The following CAVIN4 variants were observed in gnomAD, a reference collection of about 807,000 sequenced individuals.
CAVIN4 encodes caveolae-associated protein 4.
In CAVIN4, 10 loss-of-function variants were observed where a neutral mutation model predicts 18.6. That is an observed-to-expected ratio of 0.54 (90% confidence interval 0.33 to 0.91). CAVIN4 has a LOEUF of 0.91. Among genes scored for constraint, CAVIN4 ranks in the 40% least tolerant of loss-of-function variants. The pLI, the probability that CAVIN4 is intolerant of heterozygous loss-of-function variation, is 0.02. For missense variants in CAVIN4, 459 were observed against 440.5 expected (o/e 1.04, Z -0.38); for synonymous variants, 173 against 164.8 (o/e 1.05, Z -0.38).
chr9:100,577,283 A>T (rs542463155), upstream of CAVIN4: 3 of 152,760 alleles, frequency 2.0e-5, no homozygotes, highest in South Asian at 6.2e-4. Flanking sequence ...TCTACCAGTT[A>T]AACTACTTTA....
intron 1 of CAVIN4, among the ~76,000 whole-genome samples, chr9:100,579,307 T>C (rs1839404168): frequency 6.6e-6 from 1 of 152,186 alleles, no homozygotes; most frequent in African/African-American, 2.4e-5. Flanking sequence ...AAATGCATAA[T>C]ATCTATGGTA....
upstream of CAVIN4, among the ~76,000 whole-genome samples, chr9:100,577,919 TAGTC>T (rs541783853): frequency 5.3e-4 from 81 of 152,306 alleles, no homozygotes; most frequent in South Asian, 7.7e-3. Context: ...TTGAGTCCCT[TAGTC>T]AGTCAGCAAG....
In CAVIN4 at chr9:100,578,384, A is replaced by G. The variant is rs1036002862; in HGVS notation, c.241A>G (p.Asn81Asp). The change falls in exon 1 of 2, where the codon AAT becomes GAT. Residue 81 changes from asparagine to aspartate, a missense_variant. Asn to Asp is a conservative substitution (Grantham distance 23, BLOSUM62 1). Transcript: ENST00000307584. ...GTTGAAGCTTTCACAGTCGCATAGC[A>G]ATACAGGGCATATCATTAACAAATT... ...DLLKLSQSHSNTGHIINKLFE... is the reference protein window; with the variant it reads ...DLLKLSQSHSDTGHIINKLFE... 4.3e-6 allele frequency: 7 copies of G among 1,614,092 alleles called. No individual in the cohort carries two copies. In the Admixed American group the frequency reaches 8.3e-5, roughly 19 times the overall value.
rs761659315 is a variant in CAVIN4, at chr9:100,587,883, C to G, written c.*1432C>G. 6.6e-6 allele frequency: 1 copy of G among 151,160 alleles called. No individual in the cohort carries two copies. Among genetic ancestry groups the G allele is most frequent in the Non-Finnish European group, 1.5e-5 (1 of 67,724 alleles). The allele number at this position is 151,160 out of a possible 1,614,324, so 9.4% of individuals were successfully genotyped here. On this transcript the variant is annotated 3_prime_UTR_variant, in exon 2 of 2. Coordinates refer to ENST00000307584, the MANE Select transcript of CAVIN4 (RefSeq NM_001018116.2). Reference sequence around the variant, plus strand: ...CAAGCCTGGGCAAAAGAGCCAGACTCTGTTTCAAAAAAAAAGAAAAAAAGA... The same window carrying G: ...CAAGCCTGGGCAAAAGAGCCAGACTGTGTTTCAAAAAAAAAGAAAAAAAGA...
intron 1 of CAVIN4, 84 bp downstream of exon 1, chr9:100,578,635 G>A: frequency 1.5e-6 from 2 of 1,312,462 alleles, no homozygotes; most frequent in Non-Finnish European, 2.2e-6. Context: ...GGTTTCCAGT[G>A]TCACATCTTA....
rs1839504229 is a variant in CAVIN4 at position 100,588,231 on chromosome 9, ATGT to A, written c.*1785_*1787del. On this transcript the variant is annotated 3_prime_UTR_variant, in exon 2 of 2. Transcript: ENST00000307584. ...AATACATGAAATCATAATATCGTTC[ATGT>A]TGTTACCTTTTTATATTGAAAACTA... 6.6e-6 allele frequency among the ~76,000 whole-genome samples: 1 copy of A among 152,242 alleles called. No individual in the cohort carries two copies. Among genetic ancestry groups the A allele is most frequent in the Non-Finnish European group, 1.5e-5 (1 of 68,046 alleles).
In CAVIN4 at chr9:100,587,615, G is replaced by T. The variant is rs1047891380; in HGVS notation, c.*1164G>T. Reference sequence around the variant, plus strand: ...GCTAAAGAAAGAAAGAAATGGGCCGGGTGTGGTGGCTCACGGGGAGTAATC... The same window carrying T: ...GCTAAAGAAAGAAAGAAATGGGCCGTGTGTGGTGGCTCACGGGGAGTAATC... On this transcript the variant is annotated 3_prime_UTR_variant, in exon 2 of 2. Transcript: ENST00000307584. 2.0e-5 allele frequency: 3 copies of T among 152,254 alleles called. No homozygotes were observed. The highest frequency in any genetic ancestry group is 7.2e-5 in the African/African-American group (3 of 41,448). The allele number at this position is 152,254 out of a possible 1,614,324, so 9.4% of individuals were successfully genotyped here.
chr9:100,578,426 A>G lies in CAVIN4; in HGVS notation c.283A>G (p.Lys95Glu), dbSNP rs1839392192. 6.2e-7 allele frequency: 1 copy of G among 1,614,032 alleles called. No homozygotes were observed. The highest frequency in any genetic ancestry group is 1.7e-5 in the Admixed American group (1 of 60,000). Reference sequence around the variant, plus strand: ...TAACAAATTGTTTGAGAAAACCCGAAAAGTTAGTGCTCACATTAAAGATGT... The same window carrying G: ...TAACAAATTGTTTGAGAAAACCCGAGAAGTTAGTGCTCACATTAAAGATGT... ...IINKLFEKTR[K>E]VSAHIKDVKA... is the part of the protein sequence containing the mutation. The change falls in exon 1 of 2, where the codon AAA becomes GAA. Residue 95 changes from lysine (K) to glutamate (E), a missense_variant. Lys to Glu is a moderately conservative substitution (Grantham distance 56, BLOSUM62 1). Coordinates refer to ENST00000307584, the MANE Select transcript of CAVIN4 (RefSeq NM_001018116.2).
rs1481232940 is a variant in CAVIN4, at chr9:100,579,429, T to G, written c.408+878T>G. Among the ~76,000 whole-genome samples the G allele has an allele frequency of 3.9e-5, 6 of 152,310 alleles. No individual in the cohort carries two copies. In the East Asian group the frequency reaches 9.6e-4, roughly 24 times the overall value. ...TTACAAAACACAAATAAGAATAAAATTCTAATTTCACCTATTTAAATGTTG... is the reference window on the plus strand; with the variant it reads ...TTACAAAACACAAATAAGAATAAAAGTCTAATTTCACCTATTTAAATGTTG... On this transcript the variant is annotated intron_variant, in intron 1 of 1. Coordinates refer to ENST00000307584, the MANE Select transcript of CAVIN4 (RefSeq NM_001018116.2).
intron 1 of CAVIN4, among the ~76,000 whole-genome samples, chr9:100,583,281 C>T (rs890854364): frequency 1.3e-5 from 2 of 152,176 alleles, no homozygotes; most frequent in African/African-American, 4.8e-5. Flanking sequence ...CCATCCTTCC[C>T]CTCCAGTCTC....
At chr9:100,583,867 A>T (rs1270714110) in intron 1 of CAVIN4, among the ~76,000 whole-genome samples, 1 of 151,914 alleles carries the variant, frequency 6.6e-6, no homozygotes, top group African/African-American at 2.4e-5. Flanking sequence ...CTGGTCTCGA[A>T]CTCCTGACCT....
At position 100,585,979 on chromosome 9, in the gene CAVIN4, A is replaced by G. The variant is rs1839471910; in HGVS notation, c.623A>G (p.Gln208Arg). The G allele has an allele frequency of 1.2e-6, 2 of 1,614,116 alleles. No individual in the cohort carries two copies. Among genetic ancestry groups the G allele is most frequent in the Admixed American group, 1.7e-5 (1 of 60,000 alleles). ...AAGGCATTTTCCAAAGAAAACATGC[A>G]GAAGACACGGCAGAATCTTGACAAG... Reference protein sequence around the residue: ...IKKAFSKENMQKTRQNLDKKV... With the variant: ...IKKAFSKENMRKTRQNLDKKV... Residue 208 changes from glutamine (Q) to arginine (R), a missense_variant, in exon 2 of 2, where the codon CAG becomes CGG. By Grantham distance (43) the Gln-to-Arg change is conservative. Coordinates refer to ENST00000307584, the MANE Select transcript of CAVIN4 (RefSeq NM_001018116.2).
intron 1 of CAVIN4, among the ~76,000 whole-genome samples, chr9:100,579,663 G>A (rs1839408052): frequency 6.6e-6 from 1 of 152,098 alleles, no homozygotes; most frequent in African/African-American, 2.4e-5. Context: ...AATGTGTGTA[G>A]GAATGTTCAC....
intron 1 of CAVIN4, among the ~76,000 whole-genome samples, chr9:100,584,323 C>A (rs12683889): frequency 2.0e-5 from 3 of 152,126 alleles, no homozygotes; most frequent in African/African-American, 4.8e-5. Flanking sequence ...AGCTCTTTCA[C>A]TCTTTTGTCT....
Position 100,578,200 on chromosome 9 carries a change from G to A in CAVIN4, c.57G>A (p.Ser19=), listed in dbSNP as rs141589872. Residue 19 remains serine (S), a synonymous_variant, in exon 1 of 2, where the codon TCG becomes TCA. Coordinates refer to ENST00000307584, the MANE Select transcript of CAVIN4 (RefSeq NM_001018116.2). The part of the protein sequence containing the change: ...NADKIHQNRL[S]SVTEDEDQDA... ...ATAAAATCCACCAGAATCGCCTGTC[G>A]AGTGTTACAGAAGATGAAGACCAAG... is the stretch of plus-strand genomic sequence containing the variant. 3.3e-4 allele frequency: 528 copies of A among 1,613,916 alleles called. 5 individuals carry two copies. The African/African-American group carries it at 6.6e-3, about 20-fold the overall frequency.
Position 100,587,077 on chromosome 9 carries a change from G to T in CAVIN4, c.*626G>T, listed in dbSNP as rs1839488125. 1 of 152,272 alleles carries T rather than the reference G, an allele frequency of 6.6e-6. No individual in the cohort carries two copies. Among genetic ancestry groups the T allele is most frequent in the East Asian group, 1.9e-4 (1 of 5,192 alleles). 9.4% of individuals were successfully genotyped at this position (152,272 alleles called of 1,614,324 possible). A position where few individuals can be genotyped will look rare whatever the true frequency, so the allele number is the denominator to read the frequency against. Reference sequence around the variant, plus strand: ...CAAGAAGCACACCCAGAGAAAACAAGCCTCATCAGTTCCTCCAAAACAGAA... The same window carrying T: ...CAAGAAGCACACCCAGAGAAAACAATCCTCATCAGTTCCTCCAAAACAGAA... On this transcript the variant is annotated 3_prime_UTR_variant, in exon 2 of 2. Coordinates refer to ENST00000307584, the MANE Select transcript of CAVIN4 (RefSeq NM_001018116.2).
chr9:100,583,582 G>A (rs1839448082), intron 1 of CAVIN4, among the ~76,000 whole-genome samples: 3 of 151,980 alleles, frequency 2.0e-5, no homozygotes, highest in Admixed American at 2.0e-4. Flanking sequence ...TATAATGTGG[G>A]TCAAATCCTG....
At chr9:100,579,609 C>T (rs977023894) in intron 1 of CAVIN4, among the ~76,000 whole-genome samples, 3 of 151,768 alleles carry the variant, frequency 2.0e-5, no homozygotes, top group Non-Finnish European at 4.4e-5. Context: ...ACTTTTTGGC[C>T]CCAAAATTTA....
At chr9:100,584,240 C>T (rs1839456017) in intron 1 of CAVIN4, among the ~76,000 whole-genome samples, 1 of 152,198 alleles carries the variant, frequency 6.6e-6, no homozygotes, top group Non-Finnish European at 1.5e-5. Context: ...TGCTTTAGTT[C>T]TCACCTTAGT....
Sources: allele counts gnomAD v4.1 joint callset (sites outside exome capture counted in the v4.1 genomes callset), GRCh38; gene constraint gnomAD v4.1.1; transcripts MANE v1.5; gene names NCBI Gene and HGNC (gene_info 2026-07-23, HGNC 2026-07-21).